PLCB4: variants seen among roughly 807,000 people sequenced by gnomAD.
PLCB4 encodes 1-phosphatidylinositol 4,5-bisphosphate phosphodiesterase beta-4.
PLCB4 carries 77 observed loss-of-function variants against 178.8 expected under a neutral mutation model. That is an observed-to-expected ratio of 0.43 (90% confidence interval 0.36 to 0.52). The LOEUF (loss-of-function observed/expected upper bound fraction) is 0.52, where lower values mean the gene tolerates loss of function less well. Ranked by LOEUF, PLCB4 falls within the 20% of genes least tolerant of loss-of-function variation. The probability of loss-of-function intolerance (pLI) is 0.00; values close to 1 mark genes in which losing one functional copy is unlikely to be tolerated. For missense variants in PLCB4, 1,024 were observed against 1,453.4 expected (o/e 0.70, Z 4.80); for synonymous variants, 496 against 490.8 (o/e 1.01, Z -0.14).
At chr20:9,462,501 G>A (rs947523454) in intron 35 of PLCB4, among the ~76,000 whole-genome samples, 11 of 152,040 alleles carry the variant, frequency 7.2e-5, no homozygotes, top group Non-Finnish European at 1.5e-5. Flanking sequence ...CCCATCGCAA[G>A]GAAGCTAAAA....
chr20:9,368,585 T>C (rs957454349), intron 9 of PLCB4, among the ~76,000 whole-genome samples: 3 of 152,130 alleles, frequency 2.0e-5, no homozygotes, highest in Non-Finnish European at 4.4e-5. Context: ...CCCAACCATG[T>C]CCTGAAGGCC....
intron 1 of PLCB4, among the ~76,000 whole-genome samples, chr20:9,070,944 G>T (rs1208378326): frequency 2.6e-5 from 4 of 152,196 alleles, no homozygotes; most frequent in Non-Finnish European, 5.9e-5. Flanking sequence ...ATTTAAATCT[G>T]TCGGAATAAC....
chr20:9,272,502 G>C (rs2094413620), intron 3 of PLCB4, among the ~76,000 whole-genome samples: 1 of 151,996 alleles, frequency 6.6e-6, no homozygotes, highest in Admixed American at 6.6e-5. Context: ...GAGGGTCTGG[G>C]TCTCAACCCC....
intron 2 of PLCB4, among the ~76,000 whole-genome samples, chr20:9,150,701 G>T (rs1047290608): frequency 2.0e-5 from 3 of 152,124 alleles, no homozygotes; most frequent in Non-Finnish European, 4.4e-5. Flanking sequence ...AGGTCACCCA[G>T]CCAAGAAGTG....
chr20:9,118,551 A>G (rs1459222143), intron 2 of PLCB4, among the ~76,000 whole-genome samples: 1 of 152,072 alleles, frequency 6.6e-6, no homozygotes, highest in Non-Finnish European at 1.5e-5. Flanking sequence ...AGTCTTCAAG[A>G]TCTGGTGTGT....
At chr20:9,133,425 G>A (rs536186725) in intron 2 of PLCB4, among the ~76,000 whole-genome samples, 1 of 138,890 alleles carries the variant, frequency 7.2e-6, no homozygotes, top group Admixed American at 7.5e-5. Flanking sequence ...ACACCACCAT[G>A]CCCAACAAAT....
intron 3 of PLCB4, among the ~76,000 whole-genome samples, chr20:9,262,473 G>C (rs1398386310): frequency 6.6e-6 from 1 of 152,194 alleles, no homozygotes; most frequent in Non-Finnish European, 1.5e-5. Context: ...GGATGAGGCA[G>C]GATTTCTTTT....
At chr20:9,355,139 T>A (rs959934370) in intron 7 of PLCB4, among the ~76,000 whole-genome samples, 1 of 152,180 alleles carries the variant, frequency 6.6e-6, no homozygotes, top group Non-Finnish European at 1.5e-5. Flanking sequence ...ATCCGCATAG[T>A]TCTTTTAACA....
intron 3 of PLCB4, among the ~76,000 whole-genome samples, chr20:9,229,944 CT>C (rs543860122): frequency 2.0e-5 from 3 of 151,660 alleles, no homozygotes; most frequent in East Asian, 1.9e-4. Context: ...ATGTATTACA[CT>C]TTTTTTTTCC....
At chr20:9,162,622 C>T (rs560929706) in intron 2 of PLCB4, among the ~76,000 whole-genome samples, 1 of 152,128 alleles carries the variant, frequency 6.6e-6, no homozygotes, top group Non-Finnish European at 1.5e-5. Context: ...ATAGTAGTTA[C>T]GTTCATCAAT....
intron 30 of PLCB4, among the ~76,000 whole-genome samples, chr20:9,441,908 G>A (rs1249853708): frequency 6.4e-5 from 7 of 109,298 alleles, no homozygotes; most frequent in Non-Finnish European, 1.0e-4. Flanking sequence ...GCACCAACAC[G>A]ACTTTTTTTT....
At chr20:9,222,716 G>A (rs779738572) in intron 3 of PLCB4, among the ~76,000 whole-genome samples, 17 of 152,052 alleles carry the variant, frequency 1.1e-4, no homozygotes, top group Non-Finnish European at 1.6e-4. Context: ...TACTTAAAAC[G>A]GCTTTCAAGA....
intron 2 of PLCB4, among the ~76,000 whole-genome samples, chr20:9,118,010 A>G (rs1054890953): frequency 2.0e-5 from 3 of 151,726 alleles, no homozygotes; most frequent in African/African-American, 7.3e-5. Flanking sequence ...AGTAGAATAT[A>G]AAGTCCTCAA....
intron 32 of PLCB4, among the ~76,000 whole-genome samples, chr20:9,448,917 G>A (rs1159676078): frequency 2.0e-5 from 3 of 152,094 alleles, no homozygotes; most frequent in Non-Finnish European, 2.9e-5. Context: ...GCAAATAGGT[G>A]TGCAATTTGC....
chr20:9,328,421 T>G (rs2031076568), intron 4 of PLCB4, among the ~76,000 whole-genome samples: 1 of 152,226 alleles, frequency 6.6e-6, no homozygotes, highest in African/African-American at 2.4e-5. Flanking sequence ...ACAGAATGTT[T>G]CAGTAGTACA....
chr20:9,387,422 C>A, intron 14 of PLCB4, 41 bp from the exon 15 acceptor site: 1 of 974,712 alleles, frequency 1.0e-6, no homozygotes, highest in Non-Finnish European at 1.6e-6. Context: ...AACACTATTT[C>A]ATTGTAAAGT....
At chr20:9,180,953 G>T (rs1017350854) in intron 2 of PLCB4, among the ~76,000 whole-genome samples, 16 of 152,178 alleles carry the variant, frequency 1.1e-4, no homozygotes, top group Non-Finnish European at 2.1e-4. Flanking sequence ...AACTGCTACA[G>T]TGAGACTTGT....
chr20:9,197,952 G>T lies in PLCB4; in HGVS notation c.-78-19438G>T, dbSNP rs187515986. On this transcript the variant is annotated intron_variant, in intron 2 of 39. Coordinates refer to ENST00000378473, the MANE Select transcript of PLCB4 (RefSeq NM_001377142.1). The stretch of plus-strand genomic sequence containing the variant: ...ATTGTGCCATTGCACTCCAGCCTGG[G>T]CAACAAGAGCAAAACTCCATCTCAA... 4.6e-5 allele frequency among the ~76,000 whole-genome samples: 7 copies of T among 151,802 alleles called. No homozygotes were observed. The East Asian group carries it at 1.4e-3, about 29-fold the overall frequency.
At chr20:9,322,450 A>G (rs1229022002) in intron 4 of PLCB4, among the ~76,000 whole-genome samples, 1 of 152,234 alleles carries the variant, frequency 6.6e-6, no homozygotes, top group African/African-American at 2.4e-5. Context: ...TTAAAGCCAT[A>G]AATAGTAAGC....
Sources: allele counts gnomAD v4.1 joint callset (sites outside exome capture counted in the v4.1 genomes callset), GRCh38; gene constraint gnomAD v4.1.1; transcripts MANE v1.5; gene names NCBI Gene and HGNC (gene_info 2026-07-23, HGNC 2026-07-21).